PPP2R3A: variants seen among roughly 807,000 people sequenced by gnomAD.
PPP2R3A encodes serine/threonine-protein phosphatase 2A regulatory subunit B'' subunit alpha.
In PPP2R3A, 80 loss-of-function variants were observed where a neutral mutation model predicts 106.9. That is an observed-to-expected ratio of 0.75 (90% CI 0.62 to 0.90). PPP2R3A has a LOEUF of 0.90. PPP2R3A is among the 40% of genes least tolerant of loss of function. The probability of loss-of-function intolerance (pLI) is 0.00; values close to 1 mark genes in which losing one functional copy is unlikely to be tolerated. For missense variants in PPP2R3A, 1,386 were observed against 1,350.4 expected, an observed-to-expected ratio of 1.03 and a Z score of -0.41; for synonymous variants, 483 against 468.3, an observed-to-expected ratio of 1.03 and a Z score of -0.41.
intron 13 of PPP2R3A, among the ~76,000 whole-genome samples, chr3:136,116,679 CAAG>C (rs1224007531): frequency 6.6e-6 from 1 of 152,190 alleles, no homozygotes; most frequent in Non-Finnish European, 1.5e-5. Flanking sequence ...ATCAGTGCAA[CAAG>C]AAGAGCTGAC....
chr3:136,103,676 T>C (rs1937441366), intron 12 of PPP2R3A, among the ~76,000 whole-genome samples: 1 of 152,212 alleles, frequency 6.6e-6, no homozygotes, highest in Admixed American at 6.5e-5. Flanking sequence ...ATTGTCCTTC[T>C]AACTTTTAAA....
At chr3:136,044,017 G>C (rs1457965976) in intron 4 of PPP2R3A, among the ~76,000 whole-genome samples, 1 of 152,092 alleles carries the variant, frequency 6.6e-6, no homozygotes, top group Admixed American at 6.5e-5. Flanking sequence ...TCATGTCTCT[G>C]CTGTTTTTAT....
intron 5 of PPP2R3A, among the ~76,000 whole-genome samples, chr3:136,070,058 A>G (rs1012965757): frequency 6.6e-6 from 1 of 152,158 alleles, no homozygotes; most frequent in African/African-American, 2.4e-5. Flanking sequence ...AGAATTTTCC[A>G]TGTTTTTAGA....
At chr3:136,142,001 C>G (rs1387040133) in intron 13 of PPP2R3A, among the ~76,000 whole-genome samples, 1 of 152,118 alleles carries the variant, frequency 6.6e-6, no homozygotes, top group African/African-American at 2.4e-5. Context: ...TTTATACATG[C>G]TGCTGTTCTG....
chr3:136,138,870 C>A (rs1407487147), intron 13 of PPP2R3A, among the ~76,000 whole-genome samples: 1 of 151,614 alleles, frequency 6.6e-6, no homozygotes. Context: ...CACCACCACG[C>A]CCAGCTAATT....
rs200592789 is a variant in PPP2R3A at position 136,003,189 on chromosome 3, T to C, written c.1691T>C (p.Ile564Thr). 9 of 1,613,844 alleles carry C rather than the reference T, an allele frequency of 5.6e-6. No individual in the cohort carries two copies. In the East Asian group the frequency reaches 1.8e-4, roughly 32 times the overall value. ...LEPKSKVSSP[I>T]EKVSPSCLTR... is the part of the protein sequence containing the mutation. ...CCTAAATCTAAAGTCTCTTCACCCA[T>C]AGAAAAAGTCTCACCTTCCTGTCTA... is the stretch of plus-strand genomic sequence containing the variant. The change falls in exon 2 of 14, where the codon ATA becomes ACA. Residue 564 changes from isoleucine to threonine, a missense_variant. Ile to Thr is a moderately conservative substitution (Grantham distance 89, BLOSUM62 -1). Transcript: ENST00000264977.
intron 3 of PPP2R3A, among the ~76,000 whole-genome samples, chr3:136,040,235 G>A (rs891493813): frequency 6.6e-6 from 1 of 152,170 alleles, no homozygotes; most frequent in East Asian, 1.9e-4. Context: ...TTTCTAGAAG[G>A]TAGTAAATTT....
chr3:136,020,452 G>A (rs1298295397), intron 2 of PPP2R3A, among the ~76,000 whole-genome samples: 1 of 152,044 alleles, frequency 6.6e-6, no homozygotes, highest in Non-Finnish European at 1.5e-5. Context: ...TCTTTAGAGA[G>A]AGAACATAGT....
chr3:136,021,927 G>A (rs991518744), intron 2 of PPP2R3A, among the ~76,000 whole-genome samples: 2 of 152,104 alleles, frequency 1.3e-5, no homozygotes, highest in South Asian at 4.1e-4. Context: ...GAGAATGTGA[G>A]TAGGTTGTAT....
At chr3:136,026,542 A>G (rs1376930159) in intron 2 of PPP2R3A, among the ~76,000 whole-genome samples, 2 of 152,184 alleles carry the variant, frequency 1.3e-5, no homozygotes, top group African/African-American at 4.8e-5. Context: ...TATATCAACT[A>G]ACATTGCTCT....
At chr3:135,995,712 G>A (rs932571549) in intron 1 of PPP2R3A, among the ~76,000 whole-genome samples, 1 of 152,000 alleles carries the variant, frequency 6.6e-6, no homozygotes, top group Non-Finnish European at 1.5e-5. Context: ...ACCTCAGGCA[G>A]TCTGCCCACC....
At chr3:136,017,277 C>A (rs1934310398) in intron 2 of PPP2R3A, among the ~76,000 whole-genome samples, 1 of 152,134 alleles carries the variant, frequency 6.6e-6, no homozygotes, top group Non-Finnish European at 1.5e-5. Context: ...CTTTAGATAA[C>A]CTGATGACTG....
At position 135,979,020 on chromosome 3, in the gene PPP2R3A, A is replaced by G. The variant is rs572727022; in HGVS notation, c.-441+13171A>G. Among the ~76,000 whole-genome samples, 176 of 151,956 alleles carry G rather than the reference A, an allele frequency of 1.2e-3. 5 individuals are homozygous for G. Among genetic ancestry groups the G allele is most frequent in the African/African-American group, 3.9e-3 (162 of 41,226 alleles). On this transcript the variant is annotated intron_variant, in intron 1 of 13. Transcript: ENST00000264977. ...TATTTTTACCTGAAATTGCTTTATC[A>G]TATGTCATAAAATTTTTGTAAATGA...
intron 13 of PPP2R3A, among the ~76,000 whole-genome samples, chr3:136,130,831 C>CA (rs1938384493): frequency 6.6e-6 from 1 of 152,010 alleles, no homozygotes; most frequent in Middle Eastern, 3.4e-3. Flanking sequence ...AATGAAACAA[C>CA]AGAGTCCTCA....
intron 6 of PPP2R3A, among the ~76,000 whole-genome samples, chr3:136,073,471 A>T (rs35264626): frequency 6.6e-6 from 1 of 152,048 alleles, no homozygotes; most frequent in Non-Finnish European, 1.5e-5. Context: ...GTTAAATTTC[A>T]CTTTGTTATT....
chr3:136,023,053 AC>A (rs747188727), intron 2 of PPP2R3A: 33 of 1,612,468 alleles, frequency 2.0e-5, no homozygotes, highest in Admixed American at 2.0e-4. Context: ...TGCGAAGTAA[AC>A]ATTTACTTTT....
intron 6 of PPP2R3A, among the ~76,000 whole-genome samples, chr3:136,077,345 CCT>C (rs1467782200): frequency 2.0e-5 from 3 of 152,130 alleles, no homozygotes; most frequent in Admixed American, 6.5e-5. Context: ...CCTCATTAGG[CCT>C]ACTATTGAGA....
intron 1 of PPP2R3A, among the ~76,000 whole-genome samples, chr3:135,980,570 A>G (rs529983479): frequency 6.6e-6 from 1 of 151,974 alleles, no homozygotes; most frequent in East Asian, 1.9e-4. Flanking sequence ...TTCCCACCCA[A>G]CAGGAACGAG....
chr3:136,114,777 T>C (rs960586030), intron 13 of PPP2R3A, among the ~76,000 whole-genome samples: 3 of 152,164 alleles, frequency 2.0e-5, no homozygotes, highest in African/African-American at 7.2e-5. Flanking sequence ...AGGCAGCAAC[T>C]ACAGTCAGGG....
Sources: gnomAD v4.1 joint callset for allele counts (sites outside exome capture counted in the v4.1 genomes callset) on GRCh38, gnomAD v4.1.1 for gene constraint, MANE v1.5 for transcripts, NCBI Gene and HGNC (gene_info 2026-07-23, HGNC 2026-07-21) for gene names.